Variants in MAGI2 observed in about 807,000 individuals in gnomAD.
MAGI2 encodes membrane associated guanylate kinase, WW and PDZ domain containing 2.
MAGI2 carries 35 observed loss-of-function variants against 133.3 expected under a neutral mutation model. The observed-to-expected ratio is 0.26, with a 90% CI of 0.20 to 0.35. The LOEUF (loss-of-function observed/expected upper bound fraction) is 0.35. Among genes scored for constraint, MAGI2 ranks in the 10% least tolerant of loss-of-function variants. The pLI, the probability that MAGI2 is intolerant of heterozygous loss-of-function variation, is 1.00. For missense variants in MAGI2, 1,636 were observed against 1,863.4 expected (o/e 0.88, Z 2.25); for synonymous variants, 729 against 710.6 (o/e 1.03, Z -0.41).
chr7:78,502,907 C>T (rs1407010016), intron 4 of MAGI2, among the ~76,000 whole-genome samples: 1 of 152,078 alleles, frequency 6.6e-6, no homozygotes, highest in Non-Finnish European at 1.5e-5. Context: ...GATGAAGAAA[C>T]ACCAGTCTGT....
At chr7:78,023,574 G>C (rs1424752206) in intron 21 of MAGI2, among the ~76,000 whole-genome samples, 1 of 152,206 alleles carries the variant, frequency 6.6e-6, no homozygotes, top group East Asian at 1.9e-4. Flanking sequence ...TATCTGGCCT[G>C]CTGGGATTTA....
At chr7:79,344,531 G>T (rs1333706024) in intron 1 of MAGI2, among the ~76,000 whole-genome samples, 1 of 152,102 alleles carries the variant, frequency 6.6e-6, no homozygotes, top group Non-Finnish European at 1.5e-5. Flanking sequence ...CCACATAAAA[G>T]AAATAGGATT....
chr7:78,322,985 C>A (rs949108415), intron 9 of MAGI2, among the ~76,000 whole-genome samples: 5 of 139,426 alleles, frequency 3.6e-5, no homozygotes, highest in African/African-American at 8.2e-5. Flanking sequence ...AGAAAAATAT[C>A]AAAAATATTG....
intron 16 of MAGI2, among the ~76,000 whole-genome samples, chr7:78,154,421 C>A (rs115329376): frequency 6.6e-6 from 1 of 152,112 alleles, no homozygotes; most frequent in Admixed American, 6.5e-5. Context: ...GATGCACTTG[C>A]GGATAGGGAC....
intron 2 of MAGI2, among the ~76,000 whole-genome samples, chr7:78,795,945 A>G (rs1347154642): frequency 6.6e-6 from 1 of 152,158 alleles, no homozygotes; most frequent in Non-Finnish European, 1.5e-5. Flanking sequence ...ATACAGAATG[A>G]AACTAGATCC....
At chr7:78,726,026 G>A (rs1249801775) in intron 2 of MAGI2, among the ~76,000 whole-genome samples, 2 of 152,022 alleles carry the variant, frequency 1.3e-5, no homozygotes, top group African/African-American at 4.8e-5. Context: ...GTTTAATATA[G>A]CTGCTCCAAA....
At chr7:78,524,664 CCT>C (rs2150597028) in intron 3 of MAGI2, among the ~76,000 whole-genome samples, 1 of 152,214 alleles carries the variant, frequency 6.6e-6, no homozygotes, top group Admixed American at 6.5e-5. Context: ...ATAAATCAGA[CCT>C]CTATATGTAC....
intron 2 of MAGI2, among the ~76,000 whole-genome samples, chr7:78,836,030 A>G (rs935298215): frequency 1.3e-5 from 2 of 152,186 alleles, no homozygotes; most frequent in African/African-American, 4.8e-5. Context: ...AACATGGCAA[A>G]AGGAACAGTA....
intron 2 of MAGI2, among the ~76,000 whole-genome samples, chr7:78,819,771 A>T (rs1358166977): frequency 6.6e-6 from 1 of 152,044 alleles, no homozygotes; most frequent in East Asian, 1.9e-4. Context: ...CCATTAACCC[A>T]TACATGAAAG....
chr7:79,217,937 T>C (rs1041166698), intron 1 of MAGI2, among the ~76,000 whole-genome samples: 1 of 152,002 alleles, frequency 6.6e-6, no homozygotes, highest in Non-Finnish European at 1.5e-5. Flanking sequence ...CAGCAAATGA[T>C]GGCTTTCAGA....
Position 78,347,080 on chromosome 7 carries a change from C to T in MAGI2, c.1104-1037G>A, listed in dbSNP as rs867834656. 2.6e-5 allele frequency: 4 copies of T among 152,316 alleles called. No homozygotes were observed. In the South Asian group the frequency reaches 6.2e-4, roughly 24 times the overall value. The allele number at this position is 152,316 out of a possible 1,614,324, so 9.4% of individuals were successfully genotyped here. A position where few individuals can be genotyped will look rare whatever the true frequency, so the allele number is the denominator to read the frequency against. On this transcript the variant is annotated intron_variant, in intron 7 of 21. Transcript: ENST00000354212. Reference sequence around the variant, plus strand: ...ATTATTTGCTCTAAATCACATGTCTCGTAAGTGGAAAGGCTGGACTTGGCC... The same window carrying T: ...ATTATTTGCTCTAAATCACATGTCTTGTAAGTGGAAAGGCTGGACTTGGCC...
chr7:78,150,854 G>A (rs1304876075), intron 16 of MAGI2, among the ~76,000 whole-genome samples: 1 of 152,086 alleles, frequency 6.6e-6, no homozygotes, highest in Non-Finnish European at 1.5e-5. Flanking sequence ...TGAACACACA[G>A]ATTTTTTTGA....
At chr7:78,084,724 A>G (rs1342479299) in intron 20 of MAGI2, among the ~76,000 whole-genome samples, 1 of 152,212 alleles carries the variant, frequency 6.6e-6, no homozygotes, top group African/African-American at 2.4e-5. Context: ...AGGAAAAGGA[A>G]AAGTCAGAAT....
rs575123398 is a variant in MAGI2, at chr7:79,210,157, G to A, written c.302-202951C>T. 3.3e-5 allele frequency among the ~76,000 whole-genome samples: 5 copies of A among 152,142 alleles called. No homozygotes were observed. The South Asian group carries it at 1.0e-3, about 32-fold the overall frequency. ...GAATTTTCCTGTTGGCATAGAATGT[G>A]TAGCTGCTTCTTTTATACAAATGTC... On this transcript the variant is annotated intron_variant, in intron 1 of 21. Coordinates refer to ENST00000354212, the MANE Select transcript of MAGI2 (RefSeq NM_012301.4).
intron 2 of MAGI2, among the ~76,000 whole-genome samples, chr7:78,786,078 C>T (rs539591929): frequency 6.6e-6 from 1 of 152,130 alleles, no homozygotes; most frequent in South Asian, 2.1e-4. Context: ...TTATCACCCC[C>T]CACAACCCCT....
At chr7:78,832,539 G>A (rs575211682) in intron 2 of MAGI2, among the ~76,000 whole-genome samples, 8 of 152,208 alleles carry the variant, frequency 5.3e-5, no homozygotes, top group African/African-American at 1.4e-4. Context: ...CATTCTTCAC[G>A]CTACTCTGTT....
intron 2 of MAGI2, among the ~76,000 whole-genome samples, chr7:78,758,585 C>A (rs1451144538): frequency 6.6e-6 from 1 of 152,168 alleles, no homozygotes; most frequent in East Asian, 1.9e-4. Context: ...ATATCACATG[C>A]ACATCTGTGT....
rs1006428943 is a variant in MAGI2, at chr7:78,694,494, A to G, written c.419-67255T>C. On this transcript the variant is annotated intron_variant, in intron 2 of 21. Coordinates refer to ENST00000354212, the MANE Select transcript of MAGI2 (RefSeq NM_012301.4). ...CATGCTCAAATGATAAATCAGAGAA[A>G]CTGAGTTAGCAGTACACACATACAC... 1.2e-4 allele frequency among the ~76,000 whole-genome samples: 18 copies of G among 152,272 alleles called. 1 individual carries two copies. The highest frequency in any genetic ancestry group is 4.3e-4 in the African/African-American group (18 of 41,554).
chr7:78,690,512 T>C (rs1816843051), intron 2 of MAGI2, among the ~76,000 whole-genome samples: 1 of 152,240 alleles, frequency 6.6e-6, no homozygotes, highest in Non-Finnish European at 1.5e-5. Flanking sequence ...AGATACTTTT[T>C]GTCCTTCTTT....
Sources: allele counts gnomAD v4.1 joint callset (sites outside exome capture counted in the v4.1 genomes callset), GRCh38; gene constraint gnomAD v4.1.1; transcripts MANE v1.5; gene names NCBI Gene and HGNC (gene_info 2026-07-23, HGNC 2026-07-21).